WWP2: variants seen among roughly 807,000 people sequenced by gnomAD.
WWP2 encodes WW domain containing E3 ubiquitin protein ligase 2.
In WWP2, 57 loss-of-function variants were observed where a neutral mutation model predicts 121.0. The ratio of observed to expected loss-of-function variants is 0.47; its 90% CI spans 0.38 to 0.59. The LOEUF is 0.59. Ranked by LOEUF, WWP2 falls within the 20% of genes least tolerant of loss-of-function variation. The pLI is 0.00. For synonymous variants in WWP2, 449 were observed against 441.3 expected (o/e 1.02, Z -0.22); for missense variants, 962 against 1,158.9 (o/e 0.83, Z 2.47).
At chr16:69,885,107 A>G (rs1567406284) in intron 7 of WWP2, among the ~76,000 whole-genome samples, 1 of 129,394 alleles carries the variant, frequency 7.7e-6, no homozygotes, top group Non-Finnish European at 1.7e-5. Context: ...CCTCCTACAC[A>G]CACACACACA....
chr16:69,875,251 T>A (rs558608382), intron 7 of WWP2, among the ~76,000 whole-genome samples: 1 of 152,348 alleles, frequency 6.6e-6, no homozygotes, highest in East Asian at 1.9e-4. Context: ...CTAAAAAATG[T>A]ATACACTTTA....
In WWP2 at chr16:69,925,132, C is replaced by G; in HGVS notation, c.1180-298C>G. 1 of 1,151,222 alleles carries G rather than the reference C, an allele frequency of 8.7e-7. No individual in the cohort carries two copies. 71.3% of individuals were successfully genotyped at this position (1,151,222 alleles called of 1,614,324 possible). ...CTACCATGCCAGGGCTGCTCCCTGCCTCCGCCACCCTGGCACACCTTCACC... is the reference window on the plus strand; with the variant it reads ...CTACCATGCCAGGGCTGCTCCCTGCGTCCGCCACCCTGGCACACCTTCACC... On this transcript the variant is annotated intron_variant, in intron 10 of 23. Transcript: ENST00000359154. The surrounding 1 kb of genome is among the most constrained non-coding windows in gnomAD (Gnocchi z 4.0).
At chr16:69,881,167 G>T (rs1402187765) in intron 7 of WWP2, among the ~76,000 whole-genome samples, 1 of 152,070 alleles carries the variant, frequency 6.6e-6, no homozygotes, top group African/African-American at 2.4e-5. Context: ...TCCCTCCTTG[G>T]TACCCCACTT....
intron 7 of WWP2, among the ~76,000 whole-genome samples, chr16:69,872,730 G>A (rs1485639416): frequency 1.3e-5 from 2 of 152,208 alleles, no homozygotes; most frequent in Non-Finnish European, 2.9e-5. Flanking sequence ...TTGGGGGTGT[G>A]CAGGGGCCAT....
At chr16:69,771,493 C>T (rs991440767) in intron 1 of WWP2, among the ~76,000 whole-genome samples, 13 of 152,120 alleles carry the variant, frequency 8.5e-5, no homozygotes, top group African/African-American at 2.4e-4. Flanking sequence ...GTGATCCACC[C>T]GCCTGGGCCT....
At chr16:69,825,503 A>C (rs2056670418) in intron 4 of WWP2, among the ~76,000 whole-genome samples, 1 of 151,490 alleles carries the variant, frequency 6.6e-6, no homozygotes, top group South Asian at 2.1e-4. Context: ...GCATTTGTGG[A>C]GTAGGTGTCA....
intron 8 of WWP2, among the ~76,000 whole-genome samples, chr16:69,898,478 G>A (rs762879249): frequency 2.1e-4 from 32 of 152,180 alleles, no homozygotes; most frequent in Non-Finnish European, 3.8e-4. Context: ...CTAAAACTTA[G>A]TGTTGTCAGG....
chr16:69,885,441 A>G (rs1436614504), intron 7 of WWP2, among the ~76,000 whole-genome samples: 2 of 152,230 alleles, frequency 1.3e-5, no homozygotes, highest in Non-Finnish European at 2.9e-5. Context: ...TATATACTTC[A>G]GAGAAAACAA....
chr16:69,856,270 A>G (rs548323839), intron 6 of WWP2, among the ~76,000 whole-genome samples: 1 of 152,304 alleles, frequency 6.6e-6, no homozygotes, highest in South Asian at 2.1e-4. Context: ...TTCTAGGGAC[A>G]GAAATCCAAT....
intron 6 of WWP2, among the ~76,000 whole-genome samples, chr16:69,870,672 C>G (rs1384232770): frequency 1.3e-5 from 2 of 152,274 alleles, no homozygotes; most frequent in East Asian, 3.9e-4. Context: ...CTCTGTTTCT[C>G]TGTCTGGAGA....
At chr16:69,800,908 G>A (rs2056150395) in intron 4 of WWP2, among the ~76,000 whole-genome samples, 1 of 149,812 alleles carries the variant, frequency 6.7e-6, no homozygotes, top group South Asian at 2.1e-4. Context: ...TTTTATGGCC[G>A]GGGGTGGTAG....
chr16:69,831,322 A>G lies in WWP2; in HGVS notation c.341-8804A>G, dbSNP rs142269870. Among the ~76,000 whole-genome samples the G allele has an allele frequency of 8.1e-4, 124 of 152,326 alleles. 1 individual carries two copies. The highest frequency in any genetic ancestry group is 2.5e-3 in the African/African-American group (104 of 41,574). On this transcript the variant is annotated intron_variant, in intron 4 of 23. Coordinates refer to ENST00000359154, the MANE Select transcript of WWP2 (RefSeq NM_001270454.2). Reference sequence around the variant, plus strand: ...CGGTGGTATGGGGTGGGGAGGGACAATAATGAGAAAATACCCCAAACTAGA... The same window carrying G: ...CGGTGGTATGGGGTGGGGAGGGACAGTAATGAGAAAATACCCCAAACTAGA...
intron 8 of WWP2, among the ~76,000 whole-genome samples, chr16:69,893,019 C>G (rs2058053219): frequency 6.6e-6 from 1 of 152,222 alleles, no homozygotes; most frequent in Non-Finnish European, 1.5e-5. Context: ...TCTGCCTAAG[C>G]CACGATAACT....
chr16:69,936,103 C>A, intron 18 of WWP2, 117 bp downstream of exon 18: 2 of 1,486,884 alleles, frequency 1.3e-6, no homozygotes, highest in Non-Finnish European at 1.8e-6. Context: ...TCTTTTCCAG[C>A]CTCTATAAGA....
chr16:69,870,119 GTGTC>G (rs2151914352), intron 6 of WWP2, among the ~76,000 whole-genome samples: 1 of 152,242 alleles, frequency 6.6e-6, no homozygotes, highest in Admixed American at 6.5e-5. Context: ...GAGCTTCTCT[GTGTC>G]TGTTTGCTTA....
At chr16:69,811,344 C>T (rs2056388849) in intron 4 of WWP2, among the ~76,000 whole-genome samples, 1 of 152,036 alleles carries the variant, frequency 6.6e-6, no homozygotes, top group Non-Finnish European at 1.5e-5. Context: ...TGGTGGCTCA[C>T]ACCTGTAATC....
At chr16:69,857,989 T>G (rs1191384188) in intron 6 of WWP2, among the ~76,000 whole-genome samples, 2 of 152,006 alleles carry the variant, frequency 1.3e-5, no homozygotes, top group Admixed American at 6.5e-5. Context: ...ACAAAGAAAA[T>G]TTAATGAAAT....
At chr16:69,874,905 C>T (rs2057708903) in intron 7 of WWP2, among the ~76,000 whole-genome samples, 1 of 151,940 alleles carries the variant, frequency 6.6e-6, no homozygotes, top group Non-Finnish European at 1.5e-5. Flanking sequence ...ATCTGTAGTC[C>T]CTGCTACTCA....
At chr16:69,821,777 C>T (rs182996580) in intron 4 of WWP2, among the ~76,000 whole-genome samples, 1 of 141,446 alleles carries the variant, frequency 7.1e-6, no homozygotes, top group Admixed American at 7.6e-5. Context: ...AGGCTGGTCT[C>T]AAACTCCTGG....
Sources: allele counts gnomAD v4.1 joint callset (sites outside exome capture counted in the v4.1 genomes callset), GRCh38; gene constraint gnomAD v4.1.1; non-coding constraint Gnocchi (gnomAD v3.1); transcripts MANE v1.5; gene names NCBI Gene and HGNC (gene_info 2026-07-23, HGNC 2026-07-21).